KDM6A: variants seen among roughly 807,000 people sequenced by gnomAD.
KDM6A encodes the protein lysine demethylase 6A.
Under a neutral mutation model 117.6 loss-of-function variants are expected in KDM6A, and 11 were observed. The observed-to-expected ratio is 0.09, with a 90% CI of 0.06 to 0.15. The LOEUF (loss-of-function observed/expected upper bound fraction) is 0.15. Among genes scored for constraint, KDM6A ranks in the 10% least tolerant of loss-of-function variants. The pLI, the probability that KDM6A is intolerant of heterozygous loss-of-function variation, is 1.00. For missense variants in KDM6A, 799 were observed against 1,077.3 expected (o/e 0.74, Z 3.62); for synonymous variants, 384 against 396.1 (o/e 0.97, Z 0.36).
At chrX:44,891,718 A>T (rs1181196696) in intron 2 of KDM6A, among the ~76,000 whole-genome samples, 1 of 111,972 alleles carries the variant, frequency 8.9e-6, no homozygotes, top group Non-Finnish European at 1.9e-5. Context: ...TTATAACCTG[A>T]CGCGTCCACC....
intron 4 of KDM6A, among the ~76,000 whole-genome samples, chrX:44,992,692 AG>A (rs1346495593): frequency 2.8e-5 from 3 of 108,290 alleles, no homozygotes; most frequent in African/African-American, 6.7e-5. Flanking sequence ...CTGGGACTAC[AG>A]GCGCATGCTA....
At chrX:44,911,103 G>T (rs1412725443) in intron 2 of KDM6A, among the ~76,000 whole-genome samples, 1 of 98,728 alleles carries the variant, frequency 1.0e-5, no homozygotes, top group African/African-American at 3.8e-5. Context: ...CCTCCCGGAC[G>T]GGGCGGCTGG....
chrX:44,939,525 G>A (rs953790816), intron 2 of KDM6A, among the ~76,000 whole-genome samples: 2 of 112,378 alleles, frequency 1.8e-5, no homozygotes, highest in African/African-American at 6.5e-5. Flanking sequence ...CACTCCTGGT[G>A]AAGATGCTGT....
chrX:45,025,426 G>T (rs2042329186), intron 6 of KDM6A, among the ~76,000 whole-genome samples: 1 of 112,235 alleles, frequency 8.9e-6, no homozygotes, highest in African/African-American at 3.2e-5. Flanking sequence ...GCCTCCCAAA[G>T]TGCTGGAATT....
chrX:44,879,713 A>G (rs1028519494), intron 2 of KDM6A, among the ~76,000 whole-genome samples: 3 of 112,052 alleles, frequency 2.7e-5, no homozygotes, highest in Admixed American at 1.9e-4. Flanking sequence ...GAAAAATGTG[A>G]AATATTCTGA....
At chrX:44,930,548 A>G (rs768607792) in intron 2 of KDM6A, among the ~76,000 whole-genome samples, 3 of 111,819 alleles carry the variant, frequency 2.7e-5, no homozygotes, top group Non-Finnish European at 5.6e-5. Flanking sequence ...GGGTTGTTCT[A>G]TTCAAGATAT....
intron 2 of KDM6A, among the ~76,000 whole-genome samples, chrX:44,942,873 A>G (rs1266109124): frequency 2.7e-5 from 3 of 110,760 alleles, no homozygotes; most frequent in Non-Finnish European, 3.8e-5. Flanking sequence ...TGACTATTGT[A>G]TATTCACCTT....
At chrX:44,891,993 A>G (rs980440917) in intron 2 of KDM6A, among the ~76,000 whole-genome samples, 32 of 112,499 alleles carry the variant, frequency 2.8e-4, no homozygotes, top group African/African-American at 1.0e-3. Flanking sequence ...CATAAAGTAC[A>G]TTGATTTGTT....
chrX:44,950,029 T>C (rs1453754544), intron 2 of KDM6A, among the ~76,000 whole-genome samples: 3 of 110,416 alleles, frequency 2.7e-5, no homozygotes, highest in Non-Finnish European at 5.7e-5. Context: ...ACTTTTTTTT[T>C]TTTTTGAGAT....
chrX:45,108,298 T>TG (rs1436019433), intron 28 of KDM6A, among the ~76,000 whole-genome samples: 1 of 111,488 alleles, frequency 9.0e-6, no homozygotes, highest in African/African-American at 3.3e-5. Flanking sequence ...TGTTCCGATT[T>TG]GGCTGGAACA....
At chrX:44,907,751 A>ATTT (rs67971573) in intron 2 of KDM6A, among the ~76,000 whole-genome samples, 56 of 70,533 alleles carry the variant, frequency 7.9e-4, no homozygotes, top group African/African-American at 2.8e-3. Context: ...TCTGGCCTCC[A>ATTT]TTTTTTTTTT....
At chrX:44,969,411 C>CTTTTTTTTTTTTT (rs11288771) in intron 3 of KDM6A, among the ~76,000 whole-genome samples, 9 of 35,980 alleles carry the variant, frequency 2.5e-4, no homozygotes, top group Admixed American at 4.2e-4. Flanking sequence ...CTCTTTTTAT[C>CTTTTTTTTTTTTT]TTTTTTTTTT....
intron 10 of KDM6A, among the ~76,000 whole-genome samples, chrX:45,056,154 G>A (rs1402559068): frequency 9.0e-6 from 1 of 111,005 alleles, no homozygotes; most frequent in African/African-American, 3.3e-5. Flanking sequence ...ACTTGGTTTC[G>A]GGTTCAAGGT....
At chrX:45,081,120 C>CG (rs2045378726) in intron 21 of KDM6A, among the ~76,000 whole-genome samples, 1 of 111,378 alleles carries the variant, frequency 9.0e-6, no homozygotes, top group East Asian at 2.8e-4. Context: ...GTAGTAGAGA[C>CG]GGGGTTTCTC....
At chrX:45,067,644 C>CTTTTTTTTTTT (rs1267780901) in intron 17 of KDM6A, among the ~76,000 whole-genome samples, 1 of 90,062 alleles carries the variant, frequency 1.1e-5, no homozygotes, top group Non-Finnish European at 2.0e-5. Context: ...TGGTGTGTAT[C>CTTTTTTTTTTT]TTTTTTTTGT....
intron 2 of KDM6A, among the ~76,000 whole-genome samples, chrX:44,940,026 A>G (rs1195370428): frequency 8.9e-6 from 1 of 112,021 alleles, no homozygotes; most frequent in Non-Finnish European, 1.9e-5. Context: ...TCCCCAAAGT[A>G]TGCTTGTACT....
Position 45,027,672 on chromosome X carries a change from G to A in KDM6A, c.564+6942G>A, listed in dbSNP as rs764336616. On this transcript the variant is annotated intron_variant, in intron 6 of 29. Coordinates refer to ENST00000611820, the MANE Select transcript of KDM6A (RefSeq NM_001291415.2). ...GGCTTAGAACATGGGACCGGGAAGGGAAAGAAATTCTTCAAGAAAGGATCT... is the reference window on the plus strand; with the variant it reads ...GGCTTAGAACATGGGACCGGGAAGGAAAAGAAATTCTTCAAGAAAGGATCT... Among the ~76,000 whole-genome samples, 6 of 111,562 alleles carry A rather than the reference G, an allele frequency of 5.4e-5. No individual in the cohort carries two copies. In the East Asian group the frequency reaches 1.7e-3, roughly 31 times the overall value.
chrX:45,030,980 C>T (rs772618038), intron 6 of KDM6A, among the ~76,000 whole-genome samples: 2 of 112,063 alleles, frequency 1.8e-5, no homozygotes. Flanking sequence ...TAGGTGTGAG[C>T]CACCATGCCC....
At chrX:45,040,390 G>C (rs2043039297) in intron 8 of KDM6A, among the ~76,000 whole-genome samples, 1 of 91,643 alleles carries the variant, frequency 1.1e-5, no homozygotes, top group Non-Finnish European at 2.2e-5. Flanking sequence ...GGCTGGCCAG[G>C]CGGGGGGCTG....
Sources: gnomAD v4.1 joint callset for allele counts (sites outside exome capture counted in the v4.1 genomes callset) on GRCh38, gnomAD v4.1.1 for gene constraint, MANE v1.5 for transcripts, NCBI Gene and HGNC (gene_info 2026-07-23, HGNC 2026-07-21) for gene names.